The following PRAG1 variants were observed in gnomAD, a reference collection of about 807,000 sequenced individuals.
PRAG1 encodes the protein PEAK1 related, kinase-activating pseudokinase 1.
Under a neutral mutation model 95.6 loss-of-function variants are expected in PRAG1, and 110 were observed. The observed-to-expected ratio is 1.15, with a 90% CI of 0.99 to 1.35. The LOEUF (loss-of-function observed/expected upper bound fraction) is 1.35, where lower values mean the gene tolerates loss of function less well. Ranked by LOEUF, PRAG1 falls within the 40% of genes most tolerant of loss-of-function variation. PRAG1 has a pLI of 0.00. For synonymous variants in PRAG1, 1,052 were observed against 819.4 expected (o/e 1.28, Z -4.85); for missense variants, 2,554 against 1,864.7 (o/e 1.37, Z -6.81).
intron 3 of PRAG1, among the ~76,000 whole-genome samples, chr8:8,347,155 C>T (rs186145793): frequency 6.6e-6 from 1 of 152,332 alleles, no homozygotes; most frequent in East Asian, 1.9e-4. Context: ...GAACCTCTTA[C>T]CATTCTAGAC....
rs1437376142 is a variant in PRAG1, at chr8:8,381,659, C to A, written c.89G>T (p.Cys30Phe). ...FVEHIWKPGS[C>F]KNCFCLRSDH... ...GCTCCGCAGGCAGAAGCAGTTCTTG[C>A]AGGACCCGGGTTTCCAGATGTGCTC... The change falls in exon 2 of 6, where the codon TGC (cysteine) becomes TTC (phenylalanine). Residue 30 changes from cysteine (C) to phenylalanine (F), a missense_variant. Coordinates refer to ENST00000615670, the MANE Select transcript of PRAG1 (RefSeq NM_001080826.3). 6.2e-7 allele frequency: 1 copy of A among 1,613,906 alleles called. No individual in the cohort carries two copies. The highest frequency in any genetic ancestry group is 8.5e-7 in the Non-Finnish European group (1 of 1,179,852).
At position 8,377,608 on chromosome 8, in the gene PRAG1, C is replaced by A; in HGVS notation, c.801G>T (p.Lys267Asn). 2 of 1,613,208 alleles carry A rather than the reference C, an allele frequency of 1.2e-6. No individual in the cohort carries two copies. Among genetic ancestry groups the A allele is most frequent in the Non-Finnish European group, 1.7e-6 (2 of 1,179,890 alleles). ...LDCCPGSPVA[K>N]AASQTAGSRG... ...GGGAACCTGCAGTCTGGGAGGCAGC[C>A]TTGGCAACAGGGCTCCCAGGGCAGC... The change falls in exon 3 of 6, where the codon AAG (lysine) becomes AAT (asparagine). Residue 267 changes from lysine to asparagine, a missense_variant. Lys to Asn is a moderately conservative substitution (Grantham distance 94, BLOSUM62 0). Coordinates refer to ENST00000615670, the MANE Select transcript of PRAG1 (RefSeq NM_001080826.3).
At chr8:8,340,813 G>A (rs368173817) in intron 3 of PRAG1, among the ~76,000 whole-genome samples, 23 of 151,936 alleles carry the variant, frequency 1.5e-4, no homozygotes, top group East Asian at 7.7e-4. Flanking sequence ...CCTTAGAATC[G>A]TACTTTTAAA....
chr8:8,334,904 G>A (rs775782758), intron 4 of PRAG1, among the ~76,000 whole-genome samples: 10 of 151,890 alleles, frequency 6.6e-5, no homozygotes, highest in East Asian at 5.8e-4. Flanking sequence ...CCAACATGGC[G>A]AAACTCGTCT....
intron 4 of PRAG1, among the ~76,000 whole-genome samples, chr8:8,331,502 G>A (rs1798816129): frequency 6.6e-6 from 1 of 152,094 alleles, no homozygotes; most frequent in African/African-American, 2.4e-5. Context: ...CTCTGAACAT[G>A]CATTTTGTCT....
At chr8:8,358,540 G>C (rs532037145) in intron 3 of PRAG1, among the ~76,000 whole-genome samples, 1 of 152,168 alleles carries the variant, frequency 6.6e-6, no homozygotes, top group African/African-American at 2.4e-5. Context: ...TGACCAAGGG[G>C]CTGCCAGCCC....
At position 8,376,420 on chromosome 8, in the gene PRAG1, C is replaced by T. The variant is rs1325395772; in HGVS notation, c.1989G>A (p.Thr663=). The T allele has an allele frequency of 2.5e-6, 4 of 1,614,134 alleles. No homozygotes were observed. The East Asian group carries it at 8.9e-5, about 36-fold the overall frequency. The change falls in exon 3 of 6, where the codon ACG becomes ACA. Residue 663 remains threonine (T), a synonymous_variant. Transcript: ENST00000615670. ...GCCAGGTCGTGGAGTTTGAATGGTC[C>T]GTGGGGCCATTTTTGGTCTCTCTTC... is the stretch of plus-strand genomic sequence containing the variant. The part of the protein sequence containing the change: ...SWGRETKNGP[T]DHSNSTTWHR...
intron 4 of PRAG1, among the ~76,000 whole-genome samples, chr8:8,328,846 C>G (rs1298763125): frequency 2.0e-5 from 3 of 152,174 alleles, no homozygotes; most frequent in Non-Finnish European, 4.4e-5. Flanking sequence ...TGGAATAATG[C>G]TTTTCTTTCA....
chr8:8,373,753 C>A (rs192310532), intron 3 of PRAG1, among the ~76,000 whole-genome samples: 1 of 152,158 alleles, frequency 6.6e-6, no homozygotes, highest in Non-Finnish European at 1.5e-5. Flanking sequence ...AAGTCCGGCC[C>A]TTCTTTTTAA....
intron 5 of PRAG1, among the ~76,000 whole-genome samples, chr8:8,322,926 G>T (rs1414279005): frequency 6.6e-6 from 1 of 152,108 alleles, no homozygotes; most frequent in African/African-American, 2.4e-5. Flanking sequence ...GACCACTTTG[G>T]GAACATGGTC....
chr8:8,318,343 C>A lies in PRAG1; in HGVS notation c.4032G>T (p.Glu1344Asp), dbSNP rs746199225. 30 of 1,614,064 alleles carry A rather than the reference C, an allele frequency of 1.9e-5. No homozygotes were observed. In the South Asian group the frequency reaches 3.3e-4, roughly 18 times the overall value. Residue 1344 changes from glutamate (E) to aspartate (D), a missense_variant, in exon 6 of 6, where the codon GAG (glutamate) becomes GAT (aspartate). Glu to Asp is a conservative substitution (Grantham distance 45). Transcript: ENST00000615670. This position sits in a 1 kb window ranked among gnomAD's most constrained non-coding sequence, Gnocchi z 4.2. Reference sequence around the variant, plus strand: ...TGTGCAGCGTGCCGCACAGCGCCTCCTCCGAGGTGCCCGGCTGCTGCACCA... The same window carrying A: ...TGTGCAGCGTGCCGCACAGCGCCTCATCCGAGGTGCCCGGCTGCTGCACCA... ...RELVQQPGTS[E>D]EALCGTLHNW...
chr8:8,367,892 C>T (rs1036498725), intron 3 of PRAG1, among the ~76,000 whole-genome samples: 22 of 152,292 alleles, frequency 1.4e-4, no homozygotes, highest in African/African-American at 5.3e-4. Context: ...CCACCTGCCT[C>T]AGCCTCCCAA....
In PRAG1 at chr8:8,329,315, C is replaced by G. The variant is rs150055831; in HGVS notation, c.2321-854G>C. On this transcript the variant is annotated intron_variant, in intron 4 of 5. Coordinates refer to ENST00000615670, the MANE Select transcript of PRAG1 (RefSeq NM_001080826.3). ...GTCTGAGGCAGGAGAATCGCTTGAG[C>G]CCGGGAGATGGAGGTTGTAGTGAGC... Among the ~76,000 whole-genome samples the G allele has an allele frequency of 6.1e-3, 927 of 152,040 alleles. 11 individuals are homozygous for G. Among genetic ancestry groups the G allele is most frequent in the African/African-American group, 0.022 (892 of 41,428 alleles).
At chr8:8,350,555 C>G (rs140219063) in intron 3 of PRAG1, among the ~76,000 whole-genome samples, 3 of 152,324 alleles carry the variant, frequency 2.0e-5, no homozygotes, top group Non-Finnish European at 4.4e-5. Flanking sequence ...TGCCTATAGG[C>G]AAGCACAGTA....
intron 3 of PRAG1, among the ~76,000 whole-genome samples, chr8:8,347,818 T>TC (rs548971348): frequency 2.8e-5 from 2 of 70,798 alleles, no homozygotes; most frequent in African/African-American, 8.4e-5. Context: ...AATTCACATC[T>TC]TTTTTTTTTA....
At chr8:8,329,479 C>G (rs1368680017) in intron 4 of PRAG1, among the ~76,000 whole-genome samples, 1 of 152,042 alleles carries the variant, frequency 6.6e-6, no homozygotes, top group Non-Finnish European at 1.5e-5. Context: ...CCACATCACC[C>G]TAAGGGAAGA....
chr8:8,318,610 G>A lies in PRAG1; in HGVS notation c.3765C>T (p.Phe1255=). The change falls in exon 6 of 6, where the codon TTC becomes TTT. Residue 1255 remains phenylalanine, a synonymous_variant. Coordinates refer to ENST00000615670, the MANE Select transcript of PRAG1 (RefSeq NM_001080826.3). This position sits in a 1 kb window ranked among gnomAD's most constrained non-coding sequence, Gnocchi z 4.2. ...SASQYRKFDE[F]QTGILIYELL... is the part of the protein sequence containing the mutation. ...GCTCGTAGATGAGGATGCCTGTCTG[G>A]AACTCATCGAACTTGCGGTACTGGG... is the stretch of plus-strand genomic sequence containing the variant. 1 of 1,613,170 alleles carries A rather than the reference G, an allele frequency of 6.2e-7. No individual in the cohort carries two copies. Among genetic ancestry groups the A allele is most frequent in the Middle Eastern group, 1.6e-4 (1 of 6,062 alleles).
intron 3 of PRAG1, among the ~76,000 whole-genome samples, chr8:8,368,494 C>T (rs1320212264): frequency 6.6e-6 from 1 of 152,192 alleles, no homozygotes; most frequent in Non-Finnish European, 1.5e-5. Context: ...TTTATTACTG[C>T]AGAAAGAGAC....
chr8:8,364,746 T>C (rs1017386162), intron 3 of PRAG1, among the ~76,000 whole-genome samples: 23 of 151,962 alleles, frequency 1.5e-4, no homozygotes, highest in African/African-American at 4.8e-4. Flanking sequence ...TTCCTACCAA[T>C]GTATGGTCAC....
Sources: allele counts gnomAD v4.1 joint callset (sites outside exome capture counted in the v4.1 genomes callset), GRCh38; gene constraint gnomAD v4.1.1; non-coding constraint Gnocchi (gnomAD v3.1); transcripts MANE v1.5; gene names NCBI Gene and HGNC (gene_info 2026-07-23, HGNC 2026-07-21).